RHBDD1: variants seen among roughly 807,000 people sequenced by gnomAD.
The protein encoded by RHBDD1 is rhomboid-related protein 4.
In RHBDD1, 38 loss-of-function variants were observed where a neutral mutation model predicts 36.3. The observed-to-expected ratio is 1.05, with a 90% CI of 0.81 to 1.37. The LOEUF (loss-of-function observed/expected upper bound fraction) is 1.37. Ranked by LOEUF, RHBDD1 falls within the 40% of genes most tolerant of loss-of-function variation. The pLI is 0.00. For synonymous variants in RHBDD1, 151 were observed against 136.5 expected (o/e 1.11, Z -0.74); for missense variants, 393 against 377.6 (o/e 1.04, Z -0.34).
chr2:226,988,538 G>A, intron 8 of RHBDD1: 3 of 1,453,940 alleles, frequency 2.1e-6, no homozygotes, highest in Non-Finnish European at 2.7e-6. Flanking sequence ...CACTGTGCCA[G>A]GCTGGCCCTC....
At chr2:226,983,471 C>T (rs1956241139) in intron 8 of RHBDD1, among the ~76,000 whole-genome samples, 1 of 152,164 alleles carries the variant, frequency 6.6e-6, no homozygotes, top group African/African-American at 2.4e-5. Context: ...TTTCTTTTCC[C>T]AGGCCCAACA....
At chr2:226,920,647 A>G (rs1055202030) in intron 8 of RHBDD1, among the ~76,000 whole-genome samples, 9 of 152,050 alleles carry the variant, frequency 5.9e-5, no homozygotes, top group African/African-American at 2.2e-4. Flanking sequence ...AAATGACCAT[A>G]TGGTTTTGTA....
chr2:226,890,944 T>G (rs2195488), intron 5 of RHBDD1, among the ~76,000 whole-genome samples: 30,073 of 152,056 alleles, frequency 0.2, 4,955 homozygotes, highest in African/African-American at 0.45. Flanking sequence ...GAAACTCAGA[T>G]TCTTACTGTC....
In RHBDD1 at chr2:226,858,584, A is replaced by G. The variant is rs1052326314; in HGVS notation, c.-90-6020A>G. On this transcript the variant is annotated intron_variant, in intron 3 of 8. Coordinates refer to ENST00000392062, the MANE Select transcript of RHBDD1 (RefSeq NM_001167608.3). ...TGGAAATTGAGATATATACTGCCTT[A>G]GTAAATGATAATGATGAAATATTTT... is the stretch of plus-strand genomic sequence containing the variant. Among the ~76,000 whole-genome samples, 5 of 152,222 alleles carry G rather than the reference A, an allele frequency of 3.3e-5. No homozygotes were observed. In the South Asian group the frequency reaches 1.0e-3, roughly 31 times the overall value.
chr2:226,904,405 T>C (rs1330643665), intron 5 of RHBDD1, among the ~76,000 whole-genome samples: 1 of 110,172 alleles, frequency 9.1e-6, no homozygotes, highest in Non-Finnish European at 1.8e-5. Context: ...CTGTGGCACA[T>C]CCTGCAAGCG....
At chr2:226,958,609 T>C (rs939709135) in intron 8 of RHBDD1, among the ~76,000 whole-genome samples, 39 of 152,004 alleles carry the variant, frequency 2.6e-4, no homozygotes, top group African/African-American at 8.9e-4. Flanking sequence ...TTTCTTAAAG[T>C]AGGTATATCA....
rs189703670 is a variant in RHBDD1, at chr2:226,991,391, C to T, written c.857-4040C>T. Among the ~76,000 whole-genome samples, 269 of 152,100 alleles carry T rather than the reference C, an allele frequency of 1.8e-3. 3 individuals carry two copies. Among genetic ancestry groups the T allele is most frequent in the African/African-American group, 6.1e-3 (254 of 41,508 alleles). ...GAGTCGGGGTTTCACCACGTTGGCCCGGATGGTCTCAATCTCCTGACCTCG... is the reference window on the plus strand; with the variant it reads ...GAGTCGGGGTTTCACCACGTTGGCCTGGATGGTCTCAATCTCCTGACCTCG... On this transcript the variant is annotated intron_variant, in intron 8 of 8. Coordinates refer to ENST00000392062, the MANE Select transcript of RHBDD1 (RefSeq NM_001167608.3).
chr2:226,986,755 T>G (rs956310932), intron 8 of RHBDD1, among the ~76,000 whole-genome samples: 3 of 152,200 alleles, frequency 2.0e-5, no homozygotes, highest in Non-Finnish European at 4.4e-5. Flanking sequence ...GTTCAACCAT[T>G]GTGGAAGATA....
chr2:226,951,954 C>T (rs1951456239), intron 8 of RHBDD1, among the ~76,000 whole-genome samples: 1 of 152,172 alleles, frequency 6.6e-6, no homozygotes, highest in Non-Finnish European at 1.5e-5. Flanking sequence ...ATGTTTCTCT[C>T]AGAAATTTTG....
chr2:226,889,466 T>G (rs1048967418), intron 5 of RHBDD1, among the ~76,000 whole-genome samples: 3 of 152,090 alleles, frequency 2.0e-5, no homozygotes, highest in African/African-American at 7.2e-5. Context: ...TAACAAAAGA[T>G]CTCAGAAAAT....
Position 226,905,540 on chromosome 2 carries a change from G to A in RHBDD1, c.567-1253G>A, listed in dbSNP as rs373716297. 6.6e-5 allele frequency among the ~76,000 whole-genome samples: 10 copies of A among 152,276 alleles called. No individual in the cohort carries two copies. The South Asian group carries it at 1.7e-3, about 25-fold the overall frequency. On this transcript the variant is annotated intron_variant, in intron 5 of 8. Transcript: ENST00000392062. ...TGTTGGAAGGGCTTAAACACACACC[G>A]GAGTATTCTGTGAGAACCAGTGGAT...
intron 8 of RHBDD1, among the ~76,000 whole-genome samples, chr2:226,950,866 A>G (rs1174523228): frequency 6.6e-6 from 1 of 152,112 alleles, no homozygotes; most frequent in Non-Finnish European, 1.5e-5. Flanking sequence ...TGTTTTTTAT[A>G]CTAATGCATT....
chr2:226,929,932 A>G (rs949889776), intron 8 of RHBDD1, among the ~76,000 whole-genome samples: 14 of 152,078 alleles, frequency 9.2e-5, no homozygotes, highest in Admixed American at 7.9e-4. Context: ...AAAACAAAAC[A>G]AAACAAACTG....
intron 5 of RHBDD1, among the ~76,000 whole-genome samples, chr2:226,902,404 A>G (rs1408621322): frequency 6.6e-6 from 1 of 152,148 alleles, no homozygotes; most frequent in Admixed American, 6.5e-5. Context: ...CCCTAACCCT[A>G]GGACTGGTGA....
At chr2:226,985,445 G>A (rs555635297) in intron 8 of RHBDD1, among the ~76,000 whole-genome samples, 19 of 152,224 alleles carry the variant, frequency 1.2e-4, no homozygotes, top group Non-Finnish European at 2.5e-4. Flanking sequence ...TTCTGCTTAC[G>A]ATGCGGAATG....
intron 8 of RHBDD1, among the ~76,000 whole-genome samples, chr2:226,967,420 C>T (rs1952724669): frequency 6.6e-6 from 1 of 151,796 alleles, no homozygotes; most frequent in Admixed American, 6.6e-5. Flanking sequence ...TTTTAGGGTA[C>T]ATGTGCACAA....
chr2:226,908,943 A>C, intron 7 of RHBDD1, 65 bp downstream of exon 7: 1 of 1,046,776 alleles, frequency 9.6e-7, no homozygotes, highest in African/African-American at 1.6e-5. Context: ...TCAGCTCTAC[A>C]GAGTACTTTA....
At chr2:226,961,475 G>T (rs1025468483) in intron 8 of RHBDD1, among the ~76,000 whole-genome samples, 1 of 152,030 alleles carries the variant, frequency 6.6e-6, no homozygotes, top group African/African-American at 2.4e-5. Context: ...TAATGGTAAT[G>T]AATACTTAAG....
At chr2:226,849,190 G>A (rs935419263) in intron 3 of RHBDD1, among the ~76,000 whole-genome samples, 1 of 152,216 alleles carries the variant, frequency 6.6e-6, no homozygotes, top group African/African-American at 2.4e-5. Context: ...ATTAAGTGAC[G>A]TGGGCAGGGC....
Sources: allele counts gnomAD v4.1 joint callset (sites outside exome capture counted in the v4.1 genomes callset), GRCh38; gene constraint gnomAD v4.1.1; transcripts MANE v1.5; gene names NCBI Gene and HGNC (gene_info 2026-07-23, HGNC 2026-07-21).